NDST3: variants seen among roughly 807,000 people sequenced by gnomAD.
The protein encoded by NDST3 is N-deacetylase and N-sulfotransferase 3.
In NDST3, 58 loss-of-function variants were observed where a neutral mutation model predicts 96.1. The observed-to-expected ratio is 0.60, with a 90% CI of 0.49 to 0.75. The LOEUF (loss-of-function observed/expected upper bound fraction) is 0.75. Among genes scored for constraint, NDST3 ranks in the 30% least tolerant of loss-of-function variants. The pLI is 0.00. For missense variants in NDST3, 788 were observed against 1,034.2 expected, an observed-to-expected ratio of 0.76 and a Z score of 3.27; for synonymous variants, 333 against 359.7, an observed-to-expected ratio of 0.93 and a Z score of 0.84.
chr4:118,195,480 G>A (rs929111290), intron 6 of NDST3, among the ~76,000 whole-genome samples: 1 of 152,200 alleles, frequency 6.6e-6, no homozygotes, highest in Non-Finnish European at 1.5e-5. Flanking sequence ...TGCCATGATT[G>A]TGAGGCCTTC....
At chr4:118,060,306 G>A (rs1725793776) in intron 2 of NDST3, among the ~76,000 whole-genome samples, 1 of 151,936 alleles carries the variant, frequency 6.6e-6, no homozygotes, top group South Asian at 2.1e-4. Flanking sequence ...TTCATTCTAT[G>A]TTATCTTTTT....
intron 2 of NDST3, among the ~76,000 whole-genome samples, chr4:118,077,895 C>T (rs567830777): frequency 1.3e-5 from 2 of 152,276 alleles, no homozygotes; most frequent in South Asian, 2.1e-4. Context: ...GCATGGCCCA[C>T]CTGGCTACCA....
intron 6 of NDST3, among the ~76,000 whole-genome samples, chr4:118,175,136 A>T (rs112166991): frequency 6.6e-6 from 1 of 152,082 alleles, no homozygotes; most frequent in Non-Finnish European, 1.5e-5. Flanking sequence ...TCCAGTGTTT[A>T]TCCTTGATTT....
chr4:118,163,231 C>T (rs1299104315), intron 6 of NDST3, among the ~76,000 whole-genome samples: 4 of 151,914 alleles, frequency 2.6e-5, no homozygotes, highest in Admixed American at 1.3e-4. Flanking sequence ...TACCATTTGA[C>T]CCAGCCATCC....
chr4:118,077,690 C>T (rs902201059), intron 2 of NDST3, among the ~76,000 whole-genome samples: 1 of 152,358 alleles, frequency 6.6e-6, no homozygotes, highest in Non-Finnish European at 1.5e-5. Flanking sequence ...CATCTCATCT[C>T]TCTCAGTGAT....
At chr4:118,188,875 G>A (rs1433672557) in intron 6 of NDST3, among the ~76,000 whole-genome samples, 5 of 152,182 alleles carry the variant, frequency 3.3e-5, no homozygotes, top group East Asian at 3.9e-4. Flanking sequence ...GCAATTAACT[G>A]TAGAAATGAC....
chr4:118,250,459 T>A (rs1741619713), intron 12 of NDST3, among the ~76,000 whole-genome samples: 1 of 152,166 alleles, frequency 6.6e-6, no homozygotes, highest in Non-Finnish European at 1.5e-5. Flanking sequence ...CATTCATATG[T>A]GTTCTTTGGT....
chr4:118,251,476 A>G (rs1741731854), intron 12 of NDST3, among the ~76,000 whole-genome samples: 1 of 152,174 alleles, frequency 6.6e-6, no homozygotes, highest in Admixed American at 6.5e-5. Context: ...TTTTACATAC[A>G]ACATGAGGTA....
At chr4:118,225,369 T>C (rs1168469502) in intron 7 of NDST3, among the ~76,000 whole-genome samples, 1 of 152,180 alleles carries the variant, frequency 6.6e-6, no homozygotes, top group Middle Eastern at 3.2e-3. Context: ...TGGCAAATAA[T>C]TACATATTGC....
intron 4 of NDST3, among the ~76,000 whole-genome samples, chr4:118,118,680 G>GA (rs2125870662): frequency 6.6e-6 from 1 of 152,114 alleles, no homozygotes; most frequent in East Asian, 1.9e-4. Flanking sequence ...AGGTTGAATG[G>GA]AAAAAATTTT....
chr4:118,146,375 T>A (rs926765893), intron 6 of NDST3, among the ~76,000 whole-genome samples: 5 of 152,162 alleles, frequency 3.3e-5, no homozygotes, highest in African/African-American at 1.2e-4. Context: ...TTAAATACAT[T>A]CACATACATT....
chr4:118,204,023 G>C (rs915108137), intron 6 of NDST3, among the ~76,000 whole-genome samples: 1 of 152,144 alleles, frequency 6.6e-6, no homozygotes, highest in African/African-American at 2.4e-5. Flanking sequence ...ATCCAAGCCA[G>C]TTAATTATCA....
At chr4:118,088,998 C>T (rs1366671224) in intron 2 of NDST3, among the ~76,000 whole-genome samples, 2 of 151,806 alleles carry the variant, frequency 1.3e-5, no homozygotes, top group African/African-American at 2.4e-5. Context: ...AGGAAATGAC[C>T]AATTTAACTC....
intron 13 of NDST3, among the ~76,000 whole-genome samples, chr4:118,254,786 T>C (rs1742011270): frequency 6.6e-6 from 1 of 152,188 alleles, no homozygotes; most frequent in African/African-American, 2.4e-5. Context: ...CTTATTAGAA[T>C]ACTTTAACAA....
chr4:118,235,769 A>T (rs1740603975), intron 9 of NDST3, among the ~76,000 whole-genome samples: 1 of 152,210 alleles, frequency 6.6e-6, no homozygotes. Flanking sequence ...ATAGCACATC[A>T]AACCTTCCAG....
intron 2 of NDST3, among the ~76,000 whole-genome samples, chr4:118,101,119 C>T (rs971371397): frequency 6.6e-6 from 1 of 151,852 alleles, no homozygotes; most frequent in Non-Finnish European, 1.5e-5. Context: ...AGACATTCCA[C>T]CAAGAATGCC....
chr4:118,258,080 C>T lies in NDST3; in HGVS notation c.*2368C>T, dbSNP rs1400172148. 1.3e-5 allele frequency: 2 copies of T among 152,108 alleles called. No homozygotes were observed. The highest frequency in any genetic ancestry group is 2.9e-5 in the Non-Finnish European group (2 of 68,006). The allele number at this position is 152,108 out of a possible 1,614,324, so 9.4% of individuals were successfully genotyped here. ...AACTGCTAAGCAAAGCTGCTAATGG[C>T]CTATTTTGTTTAGGTAAATCGAGTT... On this transcript the variant is annotated 3_prime_UTR_variant, in exon 14 of 14. Transcript: ENST00000296499.
intron 8 of NDST3, among the ~76,000 whole-genome samples, chr4:118,232,396 A>G (rs1740359366): frequency 6.6e-6 from 1 of 152,038 alleles, no homozygotes; most frequent in Admixed American, 6.6e-5. Flanking sequence ...TTAGGGGGCC[A>G]AGGTGGAAGG....
Position 118,158,012 on chromosome 4 carries a change from G to GA in NDST3, c.1539+14335dup, listed in dbSNP as rs542224806. Among the ~76,000 whole-genome samples, 769 of 151,970 alleles carry GA rather than the reference G, an allele frequency of 5.1e-3. 3 individuals are homozygous for GA. The highest frequency in any genetic ancestry group is 0.013 in the Admixed American group (195 of 15,250). ...AACATTTCTCATGTATTGTCAGATA[G>GA]AAAAAAATAAATGAATATATTGATG... On this transcript the variant is annotated intron_variant, in intron 6 of 13. Coordinates refer to ENST00000296499, the MANE Select transcript of NDST3 (RefSeq NM_004784.3).
Sources: allele counts gnomAD v4.1 joint callset (sites outside exome capture counted in the v4.1 genomes callset), GRCh38; gene constraint gnomAD v4.1.1; transcripts MANE v1.5; gene names NCBI Gene and HGNC (gene_info 2026-07-23, HGNC 2026-07-21).